Variants in TBC1D24 observed in about 807,000 individuals in gnomAD.
The protein encoded by TBC1D24 is TBC1 domain family member 24, also known as Infantile myoclonic epilepsy.
Under a neutral mutation model 50.7 loss-of-function variants are expected in TBC1D24, and 47 were observed. The ratio of observed to expected loss-of-function variants is 0.93; its 90% confidence interval spans 0.73 to 1.18. The LOEUF (loss-of-function observed/expected upper bound fraction) is 1.18. Ranked by LOEUF, TBC1D24 falls within the 50% of genes most tolerant of loss-of-function variation. The pLI is 0.00. For missense variants in TBC1D24, 688 were observed against 766.5 expected, an observed-to-expected ratio of 0.90 and a Z score of 1.21; for synonymous variants, 324 against 335.2, an observed-to-expected ratio of 0.97 and a Z score of 0.36.
In TBC1D24 at chr16:2,499,158, C is replaced by T. The variant is rs898646930; in HGVS notation, c.1143-199C>T. Among the ~76,000 whole-genome samples, 1 of 152,180 alleles carries T rather than the reference C, an allele frequency of 6.6e-6. No homozygotes were observed. The highest frequency in any genetic ancestry group is 2.4e-5 in the African/African-American group (1 of 41,440). ...ACTGCAAGGCCTCTCCCCTGAGTCA[C>T]ACCAGGGCAGGCTGTCCTGGGGATG... On this transcript the variant is annotated intron_variant, in intron 4 of 7. Transcript: ENST00000646147. The surrounding 1 kb of genome is among the most constrained non-coding windows in gnomAD (Gnocchi z 4.0).
At chr16:2,480,841 G>A (rs1487486778) in intron 1 of TBC1D24, 1 of 152,500 alleles carries the variant, frequency 6.6e-6, no homozygotes, top group Non-Finnish European at 1.5e-5. Context: ...GCACTCAGGG[G>A]CACTGTCCTT....
Position 2,503,480 on chromosome 16 carries a change from T to C in TBC1D24, c.*2522T>C, listed in dbSNP as rs944445783. 1.3e-5 allele frequency: 2 copies of C among 151,308 alleles called. No homozygotes were observed. The highest frequency in any genetic ancestry group is 2.4e-5 in the African/African-American group (1 of 40,946). The allele number at this position is 151,308 out of a possible 1,614,324, so 9.4% of individuals were successfully genotyped here. ...GCTCTGCCTATGAAGTAGCCATTCT[T>C]TGTTTAAAAAAAAAAAAAGCCAACA... is the stretch of plus-strand genomic sequence containing the variant. On this transcript the variant is annotated 3_prime_UTR_variant, in exon 8 of 8. Coordinates refer to ENST00000646147, the MANE Select transcript of TBC1D24 (RefSeq NM_001199107.2).
At position 2,500,159 on chromosome 16, in the gene TBC1D24, C is replaced by T. The variant is rs2065779228; in HGVS notation, c.1303-109C>T. The T allele has an allele frequency of 8.3e-7, 1 of 1,210,510 alleles. No homozygotes were observed. Among genetic ancestry groups the T allele is most frequent in the Non-Finnish European group, 1.2e-6 (1 of 840,538 alleles). The allele number at this position is 1,210,510 out of a possible 1,614,324, so 75.0% of individuals were successfully genotyped here. ...CCCCAGCCCCTGGCTCGGGCTGCAC[C>T]CACCTTGGGCTCTGGGTGCAGATTC... On this transcript the variant is annotated intron_variant, in intron 6 of 7. Transcript: ENST00000646147. The surrounding 1 kb of genome is among the most constrained non-coding windows in gnomAD (Gnocchi z 8.0).
In TBC1D24 at chr16:2,501,175, G is replaced by A; in HGVS notation, c.*217G>A. Reference sequence around the variant, plus strand: ...GTCCACCTGCATCTGGGTCAGAGCTGGAGGGCCTGCTGTGCCCCCAGCCCC... The same window carrying A: ...GTCCACCTGCATCTGGGTCAGAGCTAGAGGGCCTGCTGTGCCCCCAGCCCC... On this transcript the variant is annotated 3_prime_UTR_variant, in exon 8 of 8. Coordinates refer to ENST00000646147, the MANE Select transcript of TBC1D24 (RefSeq NM_001199107.2). 1.6e-6 allele frequency: 1 copy of A among 622,546 alleles called. No individual in the cohort carries two copies. Among genetic ancestry groups the A allele is most frequent in the South Asian group, 1.9e-5 (1 of 51,332 alleles). The allele number at this position is 622,546 out of a possible 1,614,324, so 38.6% of individuals were successfully genotyped here.
Position 2,496,454 on chromosome 16 carries a change from C to T in TBC1D24, c.306C>T (p.Pro102=). 6.2e-7 allele frequency: 1 copy of T among 1,612,446 alleles called. No individual in the cohort carries two copies. Among genetic ancestry groups the T allele is most frequent in the South Asian group, 1.1e-5 (1 of 91,078 alleles). The change falls in exon 2 of 8, where the codon CCC becomes CCT. Residue 102 remains proline (P), a synonymous_variant. Coordinates refer to ENST00000646147, the MANE Select transcript of TBC1D24 (RefSeq NM_001199107.2). ...AGTTCGTGGACAACACGCAGGTGCCCAGCTACTGCCTGAATGCACGCGGCG... is the reference window on the plus strand; with the variant it reads ...AGTTCGTGGACAACACGCAGGTGCCTAGCTACTGCCTGAATGCACGCGGCG... The part of the protein sequence containing the change: ...LPEFVDNTQV[P]SYCLNARGEG...
At chr16:2,490,993 G>A (rs149109352) in intron 1 of TBC1D24, among the ~76,000 whole-genome samples, 293 of 152,324 alleles carry the variant, frequency 1.9e-3, no homozygotes, top group Admixed American at 2.5e-3. Context: ...CCACTCGGCC[G>A]TGAAAGCTCA....
In TBC1D24 at chr16:2,501,106, G is replaced by A; in HGVS notation, c.*148G>A. 2.9e-6 allele frequency: 3 copies of A among 1,036,746 alleles called. No homozygotes were observed. Among genetic ancestry groups the A allele is most frequent in the Non-Finnish European group, 4.2e-6 (3 of 718,848 alleles). The allele number at this position is 1,036,746 out of a possible 1,614,324, so 64.2% of individuals were successfully genotyped here. ...CCATGGCCAAGCCTGGCGTTGCCTG[G>A]ACCTGCTGCTGCCTCTACCTGGGGT... On this transcript the variant is annotated 3_prime_UTR_variant, in exon 8 of 8. Coordinates refer to ENST00000646147, the MANE Select transcript of TBC1D24 (RefSeq NM_001199107.2).
intron 1 of TBC1D24, among the ~76,000 whole-genome samples, chr16:2,494,646 C>G (rs1420895018): frequency 6.6e-6 from 1 of 151,974 alleles, no homozygotes; most frequent in Non-Finnish European, 1.5e-5. Flanking sequence ...TCAACTAGTC[C>G]TCCCACCTTG....
rs2065783979 is a variant in TBC1D24 at position 2,500,500 on chromosome 16, A to G, written c.1525+10A>G. 6.4e-7 allele frequency: 1 copy of G among 1,551,580 alleles called. No homozygotes were observed. Among genetic ancestry groups the G allele is most frequent in the Non-Finnish European group, 8.7e-7 (1 of 1,149,074 alleles). The stretch of plus-strand genomic sequence containing the variant: ...GACTGCCTCATCGTCGGTGAGCGCC[A>G]GCAGACGGGGCTCTGGGATGAGGGT... On this transcript the variant is annotated intron_variant, in intron 7 of 7. Coordinates refer to ENST00000646147, the MANE Select transcript of TBC1D24 (RefSeq NM_001199107.2). The surrounding 1 kb of genome is among the most constrained non-coding windows in gnomAD (Gnocchi z 8.0).
In TBC1D24 at chr16:2,501,985, A is replaced by G. The variant is rs1393320309; in HGVS notation, c.*1027A>G. ...CCCCTCTTTGTGGCATGCTCATCTC[A>G]GTGCAGCCCCAACTGCTTCTCTGCA... is the stretch of plus-strand genomic sequence containing the variant. On this transcript the variant is annotated 3_prime_UTR_variant, in exon 8 of 8. Transcript: ENST00000646147. 1 of 152,470 alleles carries G rather than the reference A, an allele frequency of 6.6e-6. No homozygotes were observed. The allele number at this position is 152,470 out of a possible 1,614,324, so 9.4% of individuals were successfully genotyped here. A position where few individuals can be genotyped will look rare whatever the true frequency, so the allele number is the denominator to read the frequency against.
rs1447557761 is a variant in TBC1D24, at chr16:2,499,356, G to T, written c.1143-1G>T. 1 of 1,612,974 alleles carries T rather than the reference G, an allele frequency of 6.2e-7. No homozygotes were observed. The highest frequency in any genetic ancestry group is 8.5e-7 in the Non-Finnish European group (1 of 1,179,594). ...AGCTGGCATGCGTGTCTCTACGCCAGGTTCTACTTCCAGTGTGAAGGACAT... is the reference window on the plus strand; with the variant it reads ...AGCTGGCATGCGTGTCTCTACGCCATGTTCTACTTCCAGTGTGAAGGACAT... On this transcript the variant is annotated splice_acceptor_variant, in intron 4 of 7. Coordinates refer to ENST00000646147, the MANE Select transcript of TBC1D24 (RefSeq NM_001199107.2). LOFTEE classifies it high-confidence loss of function. The surrounding 1 kb of genome is among the most constrained non-coding windows in gnomAD (Gnocchi z 4.0).
rs2141859862 is a variant in TBC1D24 at position 2,486,957 on chromosome 16, C to T, written c.-115-9077C>T. 6.6e-6 allele frequency among the ~76,000 whole-genome samples: 1 copy of T among 152,348 alleles called. No homozygotes were observed. The highest frequency in any genetic ancestry group is 2.1e-4 in the South Asian group (1 of 4,832). On this transcript the variant is annotated intron_variant, in intron 1 of 7. Coordinates refer to ENST00000646147, the MANE Select transcript of TBC1D24 (RefSeq NM_001199107.2). The surrounding 1 kb of genome is among the most constrained non-coding windows in gnomAD (Gnocchi z 5.8). ...GGTCTAGACTCTGCCTTCCTTTCTC[C>T]CTGGCTTCTCTGTCCCAACCCTTCC...
rs1176065128 is a variant in TBC1D24 at position 2,502,642 on chromosome 16, T to C, written c.*1684T>C. 6.6e-6 allele frequency: 1 copy of C among 152,608 alleles called. No individual in the cohort carries two copies. The highest frequency in any genetic ancestry group is 1.5e-5 in the Non-Finnish European group (1 of 68,144). 9.5% of individuals were successfully genotyped at this position (152,608 alleles called of 1,614,324 possible). A position where few individuals can be genotyped will look rare whatever the true frequency, so the allele number is the denominator to read the frequency against. ...GTCTGGAACTCAGTTTCCCCAGCTGTGAAATGGGGCCAGTCCCCATGCCCT... is the reference window on the plus strand; with the variant it reads ...GTCTGGAACTCAGTTTCCCCAGCTGCGAAATGGGGCCAGTCCCCATGCCCT... On this transcript the variant is annotated 3_prime_UTR_variant, in exon 8 of 8. Transcript: ENST00000646147.
rs777540970 is a variant in TBC1D24 at position 2,500,968 on chromosome 16, C to T, written c.*10C>T. ...CCCTGACACCCAGTGACGGCCTGTGCCACGGTGACTGAGCCGTGGTGGGGC... is the reference window on the plus strand; with the variant it reads ...CCCTGACACCCAGTGACGGCCTGTGTCACGGTGACTGAGCCGTGGTGGGGC... On this transcript the variant is annotated 3_prime_UTR_variant, in exon 8 of 8. Coordinates refer to ENST00000646147, the MANE Select transcript of TBC1D24 (RefSeq NM_001199107.2). This position sits in a 1 kb window ranked among gnomAD's most constrained non-coding sequence, Gnocchi z 8.0. 5 of 1,608,528 alleles carry T rather than the reference C, an allele frequency of 3.1e-6. No individual in the cohort carries two copies. Among genetic ancestry groups the T allele is most frequent in the Non-Finnish European group, 4.2e-6 (5 of 1,179,846 alleles).
chr16:2,500,292 G>T lies in TBC1D24; in HGVS notation c.1327G>T (p.Glu443Ter). The T allele has an allele frequency of 1.2e-6, 2 of 1,609,492 alleles. No individual in the cohort carries two copies. The highest frequency in any genetic ancestry group is 1.7e-6 in the Non-Finnish European group (2 of 1,178,662). Reference sequence around the variant, plus strand: ...GCTGCAGCCTGAGGTGCAGCGCTACGAGTGGGTGGTGATCAAGCACCCCGA... The same window carrying T: ...GCTGCAGCCTGAGGTGCAGCGCTACTAGTGGGTGGTGATCAAGCACCCCGA... ...FRLQPEVQRY[E>*]WVVIKHPELT... The change falls in exon 7 of 8, where the codon GAG (glutamate) becomes TAG (stop). Residue 443 changes from glutamate (E) to a stop codon, truncating the protein, a stop_gained. Transcript: ENST00000646147. LOFTEE classifies it high-confidence loss of function. The surrounding 1 kb of genome is among the most constrained non-coding windows in gnomAD (Gnocchi z 8.0).
rs1302193734 is a variant in TBC1D24, at chr16:2,499,415, A to G, written c.1201A>G (p.Lys401Glu). Residue 401 changes from lysine (K) to glutamate (E), a missense_variant, in exon 5 of 8, where the codon AAG becomes GAG. Lys to Glu is a moderately conservative substitution (Grantham distance 56). Coordinates refer to ENST00000646147, the MANE Select transcript of TBC1D24 (RefSeq NM_001199107.2). This position sits in a 1 kb window ranked among gnomAD's most constrained non-coding sequence, Gnocchi z 4.0. ...CCTCTTGCTCATCAAGACCACGCAG[A>G]AGGAGGTGAGCAGGGGCCCTGGAGC... ...PTLLLIKTTQ[K>E]EVCGAYLSTD... is the part of the protein sequence containing the mutation. 6.2e-7 allele frequency: 1 copy of G among 1,613,444 alleles called. No homozygotes were observed. The highest frequency in any genetic ancestry group is 1.1e-5 in the South Asian group (1 of 90,960).
intron 1 of TBC1D24, among the ~76,000 whole-genome samples, chr16:2,489,923 A>G (rs1164232594): frequency 6.6e-6 from 1 of 152,214 alleles, no homozygotes; most frequent in Non-Finnish European, 1.5e-5. Flanking sequence ...TGCGCTTGGA[A>G]TATAATCCAC....
At chr16:2,490,612 C>T (rs2065687874) in intron 1 of TBC1D24, among the ~76,000 whole-genome samples, 1 of 152,204 alleles carries the variant, frequency 6.6e-6, no homozygotes, top group Non-Finnish European at 1.5e-5. Flanking sequence ...CCTGTCAGTC[C>T]AGAGTGAGGC....
intron 4 of TBC1D24, 95 bp downstream of exon 4, chr16:2,498,491 G>A (rs540846126): frequency 3.9e-4 from 472 of 1,195,444 alleles, no homozygotes; most frequent in Middle Eastern, 2.2e-3. Flanking sequence ...TCGGCACCTG[G>A]TGAGGCCCTG....
Sources: gnomAD v4.1 joint callset for allele counts (sites outside exome capture counted in the v4.1 genomes callset) on GRCh38, gnomAD v4.1.1 for gene constraint, Gnocchi (gnomAD v3.1) non-coding constraint, MANE v1.5 for transcripts, NCBI Gene and HGNC (gene_info 2026-07-23, HGNC 2026-07-21) for gene names.